The following PSG3 variants were observed in gnomAD, a reference collection of about 807,000 sequenced individuals.
The protein encoded by PSG3 is pregnancy specific beta-1-glycoprotein 3.
A neutral mutation model predicts 47.5 loss-of-function variants in PSG3; 61 were observed. The ratio of observed to expected loss-of-function variants is 1.28; its 90% CI spans 1.05 to 1.59. PSG3 has a LOEUF of 1.59. Ranked by LOEUF, PSG3 falls within the 40% of genes most tolerant of loss-of-function variation. The pLI is 0.00. For synonymous variants in PSG3, 263 were observed against 198.4 expected, an observed-to-expected ratio of 1.33 and a Z score of -2.74; for missense variants, 756 against 524.0, an observed-to-expected ratio of 1.44 and a Z score of -4.32.
rs747768646 is a variant in PSG3 at position 42,729,829 on chromosome 19, G to T, written c.937C>A (p.Gln313Lys). The T allele has an allele frequency of 3.1e-6, 5 of 1,613,650 alleles. No individual in the cohort carries two copies. The highest frequency in any genetic ancestry group is 2.2e-5 in the South Asian group (2 of 91,062). Residue 313 changes from glutamine to lysine, a missense_variant, in exon 4 of 7, where the codon CAG becomes AAG. By Grantham distance (53) the Gln-to-Lys change is moderately conservative. Coordinates refer to ENST00000327495, the MANE Select transcript of PSG3 (RefSeq NM_021016.4). ...CTGCGGATGCCACCATATCGGTCCT[G>T]TATTTCACATTGATAGGGTCCTGTT... The part of the protein sequence containing the change: ...NETGPYQCEI[Q>K]DRYGGIRSYP...
At chr19:42,736,058 A>G (rs1016746664) in intron 2 of PSG3, among the ~76,000 whole-genome samples, 5 of 152,208 alleles carry the variant, frequency 3.3e-5, no homozygotes, top group Non-Finnish European at 7.3e-5. Flanking sequence ...AGCAAGAATG[A>G]TAATTGTTCC....
chr19:42,724,509 C>G (rs1269720894), intron 5 of PSG3, among the ~76,000 whole-genome samples: 2 of 152,194 alleles, frequency 1.3e-5, no homozygotes, highest in Admixed American at 1.3e-4. Flanking sequence ...GGCGTGAAAG[C>G]AAGTCTAGTT....
At chr19:42,736,232 T>G (rs1005399256) in intron 2 of PSG3, among the ~76,000 whole-genome samples, 1 of 152,182 alleles carries the variant, frequency 6.6e-6, no homozygotes, top group Non-Finnish European at 1.5e-5. Flanking sequence ...GTTTACAAAA[T>G]TTGTAACTAA....
At chr19:42,738,634 G>A (rs1489657778) in intron 2 of PSG3, 90 bp downstream of exon 2, 12 of 1,608,262 alleles carry the variant, frequency 7.5e-6, no homozygotes, top group South Asian at 1.1e-5. Flanking sequence ...TGCAGAGAGG[G>A]ACACAGGCAC....
intron 3 of PSG3, among the ~76,000 whole-genome samples, chr19:42,731,592 C>G (rs1004538214): frequency 1.3e-5 from 2 of 151,892 alleles, no homozygotes; most frequent in East Asian, 1.9e-4. Flanking sequence ...CTCAGTGTAT[C>G]TGTTGTGGCA....
In PSG3 at chr19:42,729,811, T is replaced by G. The variant is rs767612534; in HGVS notation, c.955A>C (p.Ile319Leu). The G allele has an allele frequency of 1.9e-6, 3 of 1,613,770 alleles. No homozygotes were observed. Among genetic ancestry groups the G allele is most frequent in the Non-Finnish European group, 2.5e-6 (3 of 1,179,868 alleles). ...QCEIQDRYGG[I>L]RSYPVTLNVL... ...TTCAGGGTGACTGGGTAACTGCGGATGCCACCATATCGGTCCTGTATTTCA... is the reference window on the plus strand; with the variant it reads ...TTCAGGGTGACTGGGTAACTGCGGAGGCCACCATATCGGTCCTGTATTTCA... The change falls in exon 4 of 7, where the codon ATC (isoleucine) becomes CTC (leucine). Residue 319 changes from isoleucine (I) to leucine (L), a missense_variant. Transcript: ENST00000327495.
Position 42,733,021 on chromosome 19 carries a change from G to A in PSG3, c.472C>T (p.Pro158Ser). The change falls in exon 3 of 7, where the codon CCC becomes TCC. Residue 158 changes from proline to serine, a missense_variant. By Grantham distance (74) the Pro-to-Ser change is moderately conservative (BLOSUM62 -1). Transcript: ENST00000327495. ...KPSISSSNLY[P>S]REDMEAVSLT... ...CTCACAGCCTCCATGTCCTCCCTGG[G>A]GTATAAGTTGCTGCTGGAGATGGAG... The A allele has an allele frequency of 3.1e-6, 5 of 1,614,106 alleles. No individual in the cohort carries two copies. The South Asian group carries it at 4.4e-5, about 14-fold the overall frequency.
In PSG3 at chr19:42,730,025, G is replaced by A. The variant is rs770025481; in HGVS notation, c.741C>T (p.Asn247=). 14 of 1,612,488 alleles carry A rather than the reference G, an allele frequency of 8.7e-6. No individual in the cohort carries two copies. Among genetic ancestry groups the A allele is most frequent in the Non-Finnish European group, 1.1e-5 (13 of 1,179,856 alleles). The change falls in exon 4 of 7, where the codon AAC becomes AAT. Residue 247 remains asparagine, a synonymous_variant. Transcript: ENST00000327495. ...CCTTATTCTCCCTGGGGTTTAAGTT[G>A]TTGATGGTGATGTAGGGCTTGGGCA... is the stretch of plus-strand genomic sequence containing the variant. ...PKLPKPYITI[N]NLNPRENKDV...
In PSG3 at chr19:42,730,019, T is replaced by A; in HGVS notation, c.747A>T (p.Leu249Phe). 9 of 1,612,540 alleles carry A rather than the reference T, an allele frequency of 5.6e-6. No individual in the cohort carries two copies. The highest frequency in any genetic ancestry group is 6.8e-6 in the Non-Finnish European group (8 of 1,179,840). The change falls in exon 4 of 7, where the codon TTA becomes TTT. Residue 249 changes from leucine (L) to phenylalanine (F), a missense_variant. Coordinates refer to ENST00000327495, the MANE Select transcript of PSG3 (RefSeq NM_021016.4). ...AGACATCCTTATTCTCCCTGGGGTT[T>A]AAGTTGTTGATGGTGATGTAGGGCT... ...LPKPYITINN[L>F]NPRENKDVLA...
In PSG3 at chr19:42,738,977, G is replaced by T; in HGVS notation, c.177C>A (p.Pro59=). The part of the protein sequence containing the change: ...KDVLLLVHNL[P]QNLAGYIWYK... ...ACCAGATGTAGCCAGCAAGATTCTGGGGCAAATTGTGGACAAGTAGAAGAA... is the reference window on the plus strand; with the variant it reads ...ACCAGATGTAGCCAGCAAGATTCTGTGGCAAATTGTGGACAAGTAGAAGAA... The change falls in exon 2 of 7, where the codon CCC becomes CCA. Residue 59 remains proline, a synonymous_variant. Coordinates refer to ENST00000327495, the MANE Select transcript of PSG3 (RefSeq NM_021016.4). 2 of 1,613,978 alleles carry T rather than the reference G, an allele frequency of 1.2e-6. No homozygotes were observed. Among genetic ancestry groups the T allele is most frequent in the East Asian group, 2.2e-5 (1 of 44,870 alleles).
chr19:42,730,771 A>G (rs963826974), intron 3 of PSG3, among the ~76,000 whole-genome samples: 1 of 152,262 alleles, frequency 6.6e-6, no homozygotes, highest in Non-Finnish European at 1.5e-5. Flanking sequence ...GCTTTGGAGC[A>G]GAAGCATGTT....
chr19:42,726,811 G>T (rs979141218), intron 5 of PSG3, among the ~76,000 whole-genome samples: 10 of 152,130 alleles, frequency 6.6e-5, no homozygotes, highest in Admixed American at 6.6e-5. Flanking sequence ...TGCATCTCAT[G>T]ACTCTAAATA....
Position 42,729,767 on chromosome 19 carries a change from AAGAT to A in PSG3, c.988+7_988+10del. On this transcript the variant is annotated splice_region_variant and intron_variant, in intron 4 of 6. Transcript: ENST00000327495. The stretch of plus-strand genomic sequence containing the variant: ...GGTGTCCTGGCCCACAGAGGAACAA[AAGAT>A]ACTCACAGAGGACATTCAGGGTGAC... The A allele has an allele frequency of 6.2e-7, 1 of 1,612,182 alleles. No individual in the cohort carries two copies. The highest frequency in any genetic ancestry group is 8.5e-7 in the Non-Finnish European group (1 of 1,179,088).
At chr19:42,730,105 C>T in intron 3 of PSG3, 49 bp from the exon 4 acceptor site, 2 of 1,601,528 alleles carry the variant, frequency 1.2e-6, no homozygotes, top group Non-Finnish European at 1.7e-6. Flanking sequence ...CCTTTGATTC[C>T]TCCACTGGCA....
chr19:42,740,358 G>T lies in PSG3; in HGVS notation c.27C>A (p.Cys9Ter), dbSNP rs776169564. ...GCCCCTTCCAGGTGATGCGCTGTGT[G>T]CAGGGAGGGGCTGAGAGGGGCCCCA... MGPLSAPP[C>*]TQRITWKGLL... Residue 9 changes from cysteine to a stop codon, truncating the protein, a stop_gained, in exon 1 of 7, where the codon TGC (cysteine) becomes TGA (stop). Coordinates refer to ENST00000327495, the MANE Select transcript of PSG3 (RefSeq NM_021016.4). LOFTEE classifies it high-confidence loss of function. The T allele has an allele frequency of 1.2e-6, 2 of 1,614,008 alleles. No homozygotes were observed. The highest frequency in any genetic ancestry group is 2.2e-5 in the East Asian group (1 of 44,872).
Position 42,740,320 on chromosome 19 carries a change from C to G in PSG3, c.64+1G>C. 6.2e-7 allele frequency: 1 copy of G among 1,613,960 alleles called. No individual in the cohort carries two copies. Among genetic ancestry groups the G allele is most frequent in the Non-Finnish European group, 8.5e-7 (1 of 1,179,860 alleles). ...CCTCTCCCAGGAAGTTCTCTCCTCACCTGTGAGCAGGAGCCCCTTCCAGGT... is the reference window on the plus strand; with the variant it reads ...CCTCTCCCAGGAAGTTCTCTCCTCAGCTGTGAGCAGGAGCCCCTTCCAGGT... On this transcript the variant is annotated splice_donor_variant, in intron 1 of 6. Coordinates refer to ENST00000327495, the MANE Select transcript of PSG3 (RefSeq NM_021016.4). LOFTEE classifies it high-confidence loss of function.
At chr19:42,736,987 G>A (rs1250167136) in intron 2 of PSG3, among the ~76,000 whole-genome samples, 1 of 152,240 alleles carries the variant, frequency 6.6e-6, no homozygotes, top group South Asian at 2.1e-4. Flanking sequence ...AAGCTGTGCA[G>A]GACAGGGCTT....
Position 42,723,932 on chromosome 19 carries a change from G to A in PSG3, c.*40+10C>T, listed in dbSNP as rs779583021. 59 of 1,556,494 alleles carry A rather than the reference G, an allele frequency of 3.8e-5. No individual in the cohort carries two copies. In the Admixed American group the frequency reaches 7.8e-4, roughly 21 times the overall value. ...TGCAGGAACCAGGATAAGAGGAAAG[G>A]TCATCATACCTGCCAGTCTTCCTGA... On this transcript the variant is annotated intron_variant, in intron 6 of 6. Coordinates refer to ENST00000327495, the MANE Select transcript of PSG3 (RefSeq NM_021016.4).
intron 5 of PSG3, among the ~76,000 whole-genome samples, chr19:42,725,511 C>A (rs1221603709): frequency 6.6e-6 from 1 of 151,846 alleles, no homozygotes; most frequent in African/African-American, 2.4e-5. Context: ...AATTGACAAC[C>A]ATTAACTAGA....
Sources: gnomAD v4.1 joint callset for allele counts (sites outside exome capture counted in the v4.1 genomes callset) on GRCh38, gnomAD v4.1.1 for gene constraint, MANE v1.5 for transcripts, NCBI Gene and HGNC (gene_info 2026-07-23, HGNC 2026-07-21) for gene names.